Variants in ANK3 observed in about 807,000 individuals in gnomAD.
The protein encoded by ANK3 is ankyrin-3.
ANK3 carries 57 observed loss-of-function variants against 370.9 expected under a neutral mutation model. That is an observed-to-expected ratio of 0.15 (90% CI 0.12 to 0.19). The LOEUF is 0.19. Among genes scored for constraint, ANK3 ranks in the 10% least tolerant of loss-of-function variants. The pLI is 1.00. For synonymous variants in ANK3, 1,929 were observed against 1,946.3 expected, an observed-to-expected ratio of 0.99 and a Z score of 0.23; for missense variants, 4,439 against 5,302.1, an observed-to-expected ratio of 0.84 and a Z score of 5.06.
intron 7 of ANK3, among the ~76,000 whole-genome samples, chr10:60,250,957 CT>C (rs2097654055): frequency 6.6e-6 from 1 of 152,180 alleles, no homozygotes; most frequent in Non-Finnish European, 1.5e-5. Context: ...CACACATTGC[CT>C]TTGATGTTAC....
At chr10:60,450,574 T>A (rs550554948) in intron 2 of ANK3, among the ~76,000 whole-genome samples, 16 of 151,934 alleles carry the variant, frequency 1.1e-4, no homozygotes, top group African/African-American at 3.4e-4. Context: ...TACAGTAAAG[T>A]AGAAGAATGA....
chr10:60,684,618 C>A, intron 1 of ANK3: 1 of 1,590,088 alleles, frequency 6.3e-7, no homozygotes, highest in Non-Finnish European at 8.6e-7. Context: ...CTGTCTTATA[C>A]AGGCTGCAGT....
At chr10:60,035,710 C>T (rs1041786678) in intron 43 of ANK3, among the ~76,000 whole-genome samples, 6 of 151,134 alleles carry the variant, frequency 4.0e-5, no homozygotes, top group East Asian at 2.0e-4. Context: ...AAAAAAAAGG[C>T]GGGGTGCGGT....
intron 25 of ANK3, among the ~76,000 whole-genome samples, chr10:60,119,315 A>G (rs1316433360): frequency 6.6e-6 from 1 of 152,252 alleles, no homozygotes; most frequent in African/African-American, 2.4e-5. Flanking sequence ...CCTGTCTGCG[A>G]AGACTTACTC....
intron 1 of ANK3, among the ~76,000 whole-genome samples, chr10:60,334,694 TA>T (rs1056518961): frequency 2.6e-5 from 4 of 152,084 alleles, no homozygotes; most frequent in African/African-American, 9.7e-5. Flanking sequence ...TTTTCTTAGC[TA>T]AAAAAATGGG....
chr10:60,114,277 C>T lies in ANK3; in HGVS notation c.2896G>A (p.Ala966Thr). 1.9e-6 allele frequency: 3 copies of T among 1,609,344 alleles called. No homozygotes were observed. The highest frequency in any genetic ancestry group is 2.5e-6 in the Non-Finnish European group (3 of 1,178,042). The change falls in exon 26 of 44, where the codon GCT becomes ACT. Residue 966 changes from alanine (A) to threonine (T), a missense_variant. Ala to Thr is a moderately conservative substitution (Grantham distance 58). Transcript: ENST00000280772. ...TTGACATTGTCTAAGGTGTCTGCAGCCCAGCTGTAATGTCTAAGAGAATCT... is the reference window on the plus strand; with the variant it reads ...TTGACATTGTCTAAGGTGTCTGCAGTCCAGCTGTAATGTCTAAGAGAATCT... ...DSDSLRHYSW[A>T]ADTLDNVNLV...
intron 43 of ANK3, among the ~76,000 whole-genome samples, chr10:60,032,051 G>C (rs2073714195): frequency 6.6e-6 from 1 of 151,848 alleles, no homozygotes; most frequent in South Asian, 2.1e-4. Context: ...TCCTAATCTT[G>C]TAGGCACCAG....
chr10:60,175,011 T>C (rs1254369486), intron 18 of ANK3, among the ~76,000 whole-genome samples: 2 of 152,162 alleles, frequency 1.3e-5, no homozygotes, highest in African/African-American at 2.4e-5. Context: ...TGAACCACCA[T>C]GCCTGGCCTA....
At chr10:60,326,274 T>G (rs1388214031) in intron 1 of ANK3, among the ~76,000 whole-genome samples, 1 of 151,260 alleles carries the variant, frequency 6.6e-6, no homozygotes, top group Non-Finnish European at 1.5e-5. Flanking sequence ...ATTTCTGAAC[T>G]TAAAAGTTAA....
intron 2 of ANK3, among the ~76,000 whole-genome samples, chr10:60,490,155 C>T (rs1010197610): frequency 3.3e-5 from 5 of 152,302 alleles, no homozygotes; most frequent in South Asian, 2.1e-4. Context: ...AGTTCCATCA[C>T]CTTAGATGAA....
intron 2 of ANK3, among the ~76,000 whole-genome samples, chr10:60,513,861 G>A (rs1278129856): frequency 1.3e-5 from 2 of 152,096 alleles, no homozygotes; most frequent in East Asian, 1.9e-4. Context: ...AGCAACATGC[G>A]TTTGCACGGA....
chr10:60,221,500 C>A (rs951262775), intron 8 of ANK3, among the ~76,000 whole-genome samples: 2 of 152,180 alleles, frequency 1.3e-5, no homozygotes, highest in African/African-American at 4.8e-5. Flanking sequence ...ACAATTGTCA[C>A]CCCATGGTCA....
chr10:60,592,499 C>T (rs541625748), intron 2 of ANK3, among the ~76,000 whole-genome samples: 15 of 152,306 alleles, frequency 9.8e-5, no homozygotes, highest in African/African-American at 3.4e-4. Context: ...GTAGCTCACG[C>T]CTGTAATCCC....
At chr10:60,259,564 C>A (rs12413099) in intron 7 of ANK3, among the ~76,000 whole-genome samples, 14,301 of 152,258 alleles carry the variant, frequency 0.094, 827 homozygotes, top group South Asian at 0.17. Flanking sequence ...AAATAAGCAT[C>A]TTTTGTCATT....
intron 1 of ANK3, among the ~76,000 whole-genome samples, chr10:60,285,691 C>T (rs943046496): frequency 1.3e-5 from 2 of 152,142 alleles, no homozygotes; most frequent in Non-Finnish European, 1.5e-5. Context: ...AAGCTCAGCA[C>T]TCCATATCCA....
chr10:60,181,494 G>A lies in ANK3; in HGVS notation c.2086-67C>T, dbSNP rs1471820901. 9 of 1,414,556 alleles carry A rather than the reference G, an allele frequency of 6.4e-6. No individual in the cohort carries two copies. The Admixed American group carries it at 1.6e-4, about 25-fold the overall frequency. The allele number at this position is 1,414,556 out of a possible 1,614,324, so 87.6% of individuals were successfully genotyped here. On this transcript the variant is annotated intron_variant, in intron 17 of 43. Transcript: ENST00000280772. ...ATGTCACACACATAGCCATGTTTGA[G>A]AAACCATTTGTGAATTCTAAGATGG...
At chr10:60,053,854 A>G (rs1029028558) in intron 42 of ANK3, 22 of 650,368 alleles carry the variant, frequency 3.4e-5, no homozygotes, top group East Asian at 8.4e-5. Flanking sequence ...TTTTCTTGTG[A>G]GGTCAGGTTC....
chr10:60,102,567 T>G (rs996564670), intron 28 of ANK3, among the ~76,000 whole-genome samples: 3 of 152,146 alleles, frequency 2.0e-5, no homozygotes, highest in Non-Finnish European at 2.9e-5. Context: ...TGGGGCAAAT[T>G]ATCCTGCTCC....
chr10:60,122,651 T>C (rs2093555398), intron 25 of ANK3, among the ~76,000 whole-genome samples: 2 of 152,240 alleles, frequency 1.3e-5, no homozygotes, highest in Admixed American at 6.5e-5. Flanking sequence ...AAAGAAAACA[T>C]ATACGTCAAA....
Sources: gnomAD v4.1 joint callset for allele counts (sites outside exome capture counted in the v4.1 genomes callset) on GRCh38, gnomAD v4.1.1 for gene constraint, MANE v1.5 for transcripts, NCBI Gene and HGNC (gene_info 2026-07-23, HGNC 2026-07-21) for gene names.